ENTREP1: variants seen among roughly 807,000 people sequenced by gnomAD.
The protein encoded by ENTREP1 is endosomal transmembrane epsin interactor 1, also known as Friedreich ataxia region gene X123.
chr9:69,391,128 C>T, the ENTREP1 span, among the ~76,000 whole-genome samples: 1 of 152,114 alleles, frequency 6.6e-6, no homozygotes, highest in African/African-American at 2.4e-5. Flanking sequence ...CAATCCCAGA[C>T]CAGTGGTTCT....
chr9:69,387,984 G>T, the ENTREP1 span: 2 of 1,489,314 alleles, frequency 1.3e-6, no homozygotes, highest in South Asian at 1.3e-5. Flanking sequence ...GGACTTCAGG[G>T]AATAACCTTG....
the ENTREP1 span, among the ~76,000 whole-genome samples, chr9:69,357,867 A>G: frequency 6.6e-6 from 1 of 152,330 alleles, no homozygotes; most frequent in East Asian, 1.9e-4. Flanking sequence ...TGTTGTGTTC[A>G]GATGACTTTG....
At chr9:69,367,742 C>CATATATAAATATATATAT in the ENTREP1 span, among the ~76,000 whole-genome samples, 2 of 54,112 alleles carry the variant, frequency 3.7e-5, no homozygotes, top group African/African-American at 1.6e-4. Context: ...TATATATATA[C>CATATATAAATATATATAT]ACATATATAA....
the ENTREP1 span, chr9:69,383,144 G>A: frequency 1.0e-6 from 1 of 982,676 alleles, no homozygotes; most frequent in Non-Finnish European, 1.2e-6. Flanking sequence ...ATTTTCCTGA[G>A]TCCTTAGCTG....
chr9:69,346,971 A>C, the ENTREP1 span, among the ~76,000 whole-genome samples: 2 of 152,210 alleles, frequency 1.3e-5, no homozygotes, highest in Non-Finnish European at 2.9e-5. Context: ...GGAGAATATG[A>C]TAGATTCTTT....
At chr9:69,390,585 A>C in the ENTREP1 span, among the ~76,000 whole-genome samples, 1 of 152,172 alleles carries the variant, frequency 6.6e-6, no homozygotes, top group Non-Finnish European at 1.5e-5. Context: ...CCTAATTTTT[A>C]TATTGTTTAT....
chr9:69,382,873 T>G, the ENTREP1 span: 1 of 270,092 alleles, frequency 3.7e-6, no homozygotes, highest in Non-Finnish European at 5.7e-6. Flanking sequence ...TTTTGTTCTC[T>G]TTTTTTTTCT....
the ENTREP1 span, among the ~76,000 whole-genome samples, chr9:69,335,699 GC>G: frequency 1.3e-5 from 2 of 152,212 alleles, no homozygotes; most frequent in Non-Finnish European, 2.9e-5. Flanking sequence ...GCTGACCCTG[GC>G]AACAGATTGG....
chr9:69,366,584 T>C, the ENTREP1 span, among the ~76,000 whole-genome samples: 16 of 152,096 alleles, frequency 1.1e-4, no homozygotes, highest in African/African-American at 3.4e-4. Flanking sequence ...GCCTGTGCTT[T>C]TGAGATCTTA....
chr9:69,345,205 A>G, the ENTREP1 span, among the ~76,000 whole-genome samples: 54 of 152,242 alleles, frequency 3.5e-4, no homozygotes, highest in African/African-American at 1.3e-3. Context: ...GGGTGATGGT[A>G]GAATTGGGTA....
At chr9:69,340,666 C>CATGTGTGTGTGTGCAT in the ENTREP1 span, among the ~76,000 whole-genome samples, 11,542 of 108,270 alleles carry the variant, frequency 0.11, 943 homozygotes, top group Admixed American at 0.13. Context: ...TGTGTGTGTG[C>CATGTGTGTGTGTGCAT]GTGTGTGTGT....
chr9:69,337,285 G>C, the ENTREP1 span, among the ~76,000 whole-genome samples: 67 of 152,086 alleles, frequency 4.4e-4, no homozygotes, highest in Non-Finnish European at 7.6e-4. Flanking sequence ...TGAGATTATA[G>C]GCATGAGCCA....
At chr9:69,351,284 G>C in the ENTREP1 span, among the ~76,000 whole-genome samples, 1 of 152,148 alleles carries the variant, frequency 6.6e-6, no homozygotes, top group African/African-American at 2.4e-5. Context: ...ATGAAGTTAT[G>C]TCTAGGTGGA....
chr9:69,340,563 A>G, the ENTREP1 span, among the ~76,000 whole-genome samples: 2 of 150,318 alleles, frequency 1.3e-5, no homozygotes, highest in Non-Finnish European at 3.0e-5. Context: ...ATTTATGGCT[A>G]TGACTAAGAA....
the ENTREP1 span, among the ~76,000 whole-genome samples, chr9:69,367,599 TTATA>T: frequency 1.5e-5 from 2 of 132,762 alleles, no homozygotes; most frequent in Non-Finnish European, 1.6e-5. Context: ...CCTGGGTGTT[TTATA>T]TATATATATA....
chr9:69,385,985 C>T, the ENTREP1 span: 3 of 1,552,722 alleles, frequency 1.9e-6, no homozygotes, highest in African/African-American at 2.8e-5. Flanking sequence ...GGGCTGTGTG[C>T]TTATTTGCCT....
chr9:69,373,241 G>T, the ENTREP1 span, among the ~76,000 whole-genome samples: 11 of 152,156 alleles, frequency 7.2e-5, no homozygotes, highest in East Asian at 9.7e-4. Context: ...ATCTCTTTAT[G>T]CACAAAAACA....
chr9:69,361,264 C>T, the ENTREP1 span, among the ~76,000 whole-genome samples: 2 of 152,096 alleles, frequency 1.3e-5, no homozygotes, highest in Non-Finnish European at 2.9e-5. Context: ...TGTAAAGTTT[C>T]CTTATGCCTC....
At chr9:69,342,310 T>C in the ENTREP1 span, among the ~76,000 whole-genome samples, 3 of 152,220 alleles carry the variant, frequency 2.0e-5, no homozygotes, top group African/African-American at 2.4e-5. Flanking sequence ...ATGAGTTGAA[T>C]GATTGTTAGA....
Sources: allele counts gnomAD v4.1 joint callset (sites outside exome capture counted in the v4.1 genomes callset), GRCh38; gene constraint gnomAD v4.1.1; transcripts MANE v1.5; gene names NCBI Gene and HGNC (gene_info 2026-07-23, HGNC 2026-07-21).